The following PROS1 variants were observed in gnomAD, a reference collection of about 807,000 sequenced individuals.
PROS1 encodes the protein protein S.
A neutral mutation model predicts 75.9 loss-of-function variants in PROS1; 29 were observed. The observed-to-expected ratio is 0.38, with a 90% CI of 0.28 to 0.52. The LOEUF (loss-of-function observed/expected upper bound fraction) is 0.52, where lower values mean the gene tolerates loss of function less well. PROS1 is among the 20% of genes least tolerant of loss of function. The pLI, the probability that PROS1 is intolerant of heterozygous loss-of-function variation, is 0.83. For synonymous variants in PROS1, 245 were observed against 280.6 expected (o/e 0.87, Z 1.27); for missense variants, 680 against 810.3 (o/e 0.84, Z 1.95).
At chr3:93,892,874 T>C in intron 10 of PROS1, 59 bp downstream of exon 10, 1 of 1,546,130 alleles carries the variant, frequency 6.5e-7, no homozygotes, top group African/African-American at 1.4e-5. Flanking sequence ...AAAAATAAAT[T>C]ATGATTTTAT....
chr3:93,938,063 C>T (rs1292325481), intron 1 of PROS1, among the ~76,000 whole-genome samples: 3 of 152,150 alleles, frequency 2.0e-5, no homozygotes, highest in African/African-American at 7.2e-5. Flanking sequence ...ATTGTCAGGC[C>T]TCTGAGCCCA....
At chr3:93,925,017 A>G (rs1708996784) in intron 2 of PROS1, among the ~76,000 whole-genome samples, 1 of 152,182 alleles carries the variant, frequency 6.6e-6, no homozygotes, top group African/African-American at 2.4e-5. Flanking sequence ...TATCTTATAC[A>G]TCTTATGTAC....
intron 14 of PROS1, 39 bp downstream of exon 14, chr3:93,876,927 A>C: frequency 7.5e-7 from 1 of 1,326,964 alleles, no homozygotes; most frequent in South Asian, 1.2e-5. Flanking sequence ...GTTTGATTAA[A>C]ATATACTTTT....
intron 3 of PROS1, among the ~76,000 whole-genome samples, chr3:93,923,597 C>T (rs1708974397): frequency 6.6e-6 from 1 of 152,242 alleles, no homozygotes; most frequent in Middle Eastern, 3.4e-3. Context: ...ATCCCACTGC[C>T]CTTTTAAAAT....
At chr3:93,922,128 T>C (rs1708950992) in intron 3 of PROS1, among the ~76,000 whole-genome samples, 1 of 152,204 alleles carries the variant, frequency 6.6e-6, no homozygotes. Context: ...ATTTTGTTAT[T>C]ATTAGTGCTT....
intron 1 of PROS1, among the ~76,000 whole-genome samples, chr3:93,948,970 C>T (rs1404299179): frequency 3.9e-5 from 6 of 152,026 alleles, no homozygotes; most frequent in Non-Finnish European, 8.8e-5. Flanking sequence ...TAAAAATGTG[C>T]CAGAGAAATA....
At chr3:93,883,448 G>C (rs1309007035) in intron 12 of PROS1, among the ~76,000 whole-genome samples, 1 of 151,928 alleles carries the variant, frequency 6.6e-6, no homozygotes, top group East Asian at 1.9e-4. Context: ...ACAAAAATTA[G>C]CAGGGCATGG....
At chr3:93,920,654 T>G (rs562135165) in intron 3 of PROS1, among the ~76,000 whole-genome samples, 2 of 152,306 alleles carry the variant, frequency 1.3e-5, no homozygotes, top group South Asian at 4.1e-4. Flanking sequence ...TTTTCTTTTC[T>G]TATTGCATTG....
At chr3:93,878,644 G>A (rs750948027) in intron 13 of PROS1, among the ~76,000 whole-genome samples, 1 of 152,124 alleles carries the variant, frequency 6.6e-6, no homozygotes, top group Non-Finnish European at 1.5e-5. Context: ...TCAAATAAGA[G>A]TTGCCAGTAA....
intron 6 of PROS1, among the ~76,000 whole-genome samples, chr3:93,905,200 C>A (rs1708654901): frequency 6.6e-6 from 1 of 152,154 alleles, no homozygotes; most frequent in Non-Finnish European, 1.5e-5. Flanking sequence ...TTGTAGCATG[C>A]AAAGACTTGC....
At chr3:93,961,980 A>G (rs980323267) in intron 1 of PROS1, among the ~76,000 whole-genome samples, 4 of 152,144 alleles carry the variant, frequency 2.6e-5, no homozygotes, top group African/African-American at 7.2e-5. Flanking sequence ...CTCTCCCCCA[A>G]TATAGAAGAG....
intron 1 of PROS1, among the ~76,000 whole-genome samples, chr3:93,948,743 C>T (rs1709444615): frequency 6.6e-6 from 1 of 152,088 alleles, no homozygotes; most frequent in Admixed American, 6.6e-5. Context: ...TCCATAGCAG[C>T]CTATTTTTGT....
At chr3:93,950,446 T>C (rs1576212164) in intron 1 of PROS1, among the ~76,000 whole-genome samples, 3 of 152,298 alleles carry the variant, frequency 2.0e-5, no homozygotes, top group Admixed American at 6.5e-5. Flanking sequence ...AGTGGCCGAC[T>C]GACACCTCAT....
chr3:93,875,922 T>C (rs968012626), intron 14 of PROS1, among the ~76,000 whole-genome samples: 32 of 152,176 alleles, frequency 2.1e-4, no homozygotes, highest in African/African-American at 7.5e-4. Context: ...AAGTGAAATA[T>C]TGGTGCCAAT....
At position 93,938,859 on chromosome 3, in the gene PROS1, C is replaced by T. The variant is rs536400265; in HGVS notation, c.77-11452G>A. On this transcript the variant is annotated intron_variant, in intron 1 of 14. Transcript: ENST00000394236. Reference sequence around the variant, plus strand: ...GCCTGATCACCATGGGGATGCCTGCCTTCATTCACCCACATTCACTTGGTG... The same window carrying T: ...GCCTGATCACCATGGGGATGCCTGCTTTCATTCACCCACATTCACTTGGTG... Among the ~76,000 whole-genome samples the T allele has an allele frequency of 3.9e-5, 6 of 152,166 alleles. No homozygotes were observed. In the East Asian group the frequency reaches 7.8e-4, roughly 20 times the overall value.
At chr3:93,895,648 A>G (rs1708492260) in intron 9 of PROS1, among the ~76,000 whole-genome samples, 1 of 152,120 alleles carries the variant, frequency 6.6e-6, no homozygotes, top group Non-Finnish European at 1.5e-5. Flanking sequence ...CATTATTCCA[A>G]AAAAAATCCA....
At chr3:93,875,760 T>C (rs746281133) in intron 14 of PROS1, among the ~76,000 whole-genome samples, 12 of 152,070 alleles carry the variant, frequency 7.9e-5, no homozygotes, top group Admixed American at 5.9e-4. Flanking sequence ...AATTTCCATA[T>C]ATGGGAAATC....
chr3:93,947,056 C>T (rs1709413793), intron 1 of PROS1, among the ~76,000 whole-genome samples: 1 of 152,178 alleles, frequency 6.6e-6, no homozygotes, highest in South Asian at 2.1e-4. Flanking sequence ...AGCCAACAGA[C>T]ACATGACAAA....
At chr3:93,879,857 A>G (rs1431912268) in intron 12 of PROS1, among the ~76,000 whole-genome samples, 2 of 152,224 alleles carry the variant, frequency 1.3e-5, no homozygotes, top group African/African-American at 4.8e-5. Context: ...ATCTCTTGTC[A>G]TAATCCTTCA....
Sources: gnomAD v4.1 joint callset for allele counts (sites outside exome capture counted in the v4.1 genomes callset) on GRCh38, gnomAD v4.1.1 for gene constraint, MANE v1.5 for transcripts, NCBI Gene and HGNC (gene_info 2026-07-23, HGNC 2026-07-21) for gene names.